Variants in MITF observed in about 807,000 individuals in gnomAD.
MITF encodes melanocyte inducing transcription factor.
In MITF, 17 loss-of-function variants were observed where a neutral mutation model predicts 60.5. The observed-to-expected ratio is 0.28, with a 90% CI of 0.19 to 0.42. MITF has a LOEUF of 0.42. Among genes scored for constraint, MITF ranks in the 10% least tolerant of loss-of-function variants. The pLI is 1.00. For synonymous variants in MITF, 260 were observed against 248.5 expected, an observed-to-expected ratio of 1.05 and a Z score of -0.43; for missense variants, 622 against 683.5, an observed-to-expected ratio of 0.91 and a Z score of 1.00.
chr3:69,764,438 T>G (rs9862162), intron 1 of MITF, among the ~76,000 whole-genome samples: 68 of 152,374 alleles, frequency 4.5e-4, no homozygotes, highest in Middle Eastern at 3.4e-3. Context: ...GCTATTTTCT[T>G]GACTAATTAT....
intron 2 of MITF, among the ~76,000 whole-genome samples, chr3:69,884,969 A>C (rs1387935653): frequency 6.6e-6 from 1 of 152,154 alleles, no homozygotes; most frequent in East Asian, 1.9e-4. Flanking sequence ...TTCAGCTCTA[A>C]TTACATGTTC....
intron 1 of MITF, among the ~76,000 whole-genome samples, chr3:69,795,068 C>A (rs2062806339): frequency 6.6e-6 from 1 of 152,108 alleles, no homozygotes; most frequent in Admixed American, 6.5e-5. Flanking sequence ...CCCTGAATAT[C>A]CCTGTACATG....
chr3:69,952,400 A>G (rs1241733856), intron 7 of MITF, among the ~76,000 whole-genome samples: 1 of 152,174 alleles, frequency 6.6e-6, no homozygotes, highest in South Asian at 2.1e-4. Context: ...TACGTGTTTA[A>G]TTTACTCTTG....
intron 7 of MITF, among the ~76,000 whole-genome samples, chr3:69,953,126 C>T (rs186148572): frequency 6.6e-6 from 1 of 152,256 alleles, no homozygotes; most frequent in Non-Finnish European, 1.5e-5. Context: ...GTTCTCATGT[C>T]AAGTGTAAGA....
intron 2 of MITF, among the ~76,000 whole-genome samples, chr3:69,936,193 A>G (rs967116805): frequency 1.3e-4 from 20 of 152,192 alleles, no homozygotes; most frequent in Admixed American, 1.3e-3. Flanking sequence ...ACTAAAAGAT[A>G]GTCATCCTGC....
chr3:69,814,707 T>A (rs761072295), intron 1 of MITF, among the ~76,000 whole-genome samples: 7 of 152,074 alleles, frequency 4.6e-5, no homozygotes, highest in African/African-American at 7.2e-5. Flanking sequence ...GGTATCTTTG[T>A]ATACCAAAGA....
chr3:69,931,166 T>C (rs530796787), intron 2 of MITF, among the ~76,000 whole-genome samples: 2 of 152,232 alleles, frequency 1.3e-5, no homozygotes, highest in Non-Finnish European at 2.9e-5. Flanking sequence ...ATCTGGTACA[T>C]GGTAGACAAG....
chr3:69,774,579 G>C (rs2062445266), intron 1 of MITF, among the ~76,000 whole-genome samples: 1 of 152,146 alleles, frequency 6.6e-6, no homozygotes, highest in African/African-American at 2.4e-5. Flanking sequence ...TGTATTCCTT[G>C]TGTTCTGTTA....
At chr3:69,897,729 G>A (rs574769787) in intron 2 of MITF, among the ~76,000 whole-genome samples, 1 of 152,244 alleles carries the variant, frequency 6.6e-6, no homozygotes, top group African/African-American at 2.4e-5. Flanking sequence ...CGAGAGTTGG[G>A]ATCATATCTC....
intron 1 of MITF, among the ~76,000 whole-genome samples, chr3:69,869,532 A>G (rs922085018): frequency 3.3e-5 from 5 of 152,190 alleles, no homozygotes; most frequent in African/African-American, 9.7e-5. Flanking sequence ...GAGCCCACAT[A>G]CATCTCTCAT....
rs187101907 is a variant in MITF at position 69,788,513 on chromosome 3, C to T, written c.104+48812C>T. Among the ~76,000 whole-genome samples the T allele has an allele frequency of 7.5e-4, 114 of 152,204 alleles. 2 individuals are homozygous for T. Among genetic ancestry groups the T allele is most frequent in the Admixed American group, 7.3e-3 (112 of 15,276 alleles). On this transcript the variant is annotated intron_variant, in intron 1 of 9. Transcript: ENST00000352241. ...AGTTGCATTATGTCTGTAAATTCTT[C>T]TGCAGTTAGTGCTTCTGTATACTAC...
At chr3:69,941,410 A>T in intron 5 of MITF, 79 bp downstream of exon 5, 1 of 863,080 alleles carries the variant, frequency 1.2e-6, no homozygotes. Flanking sequence ...CTTTTATTTT[A>T]TCTTTGTAAC....
chr3:69,755,106 A>T (rs1014184224), intron 1 of MITF, among the ~76,000 whole-genome samples: 1 of 152,240 alleles, frequency 6.6e-6, no homozygotes, highest in Non-Finnish European at 1.5e-5. Context: ...ATTTACAAGC[A>T]TGGTGTTACT....
intron 1 of MITF, among the ~76,000 whole-genome samples, chr3:69,840,881 G>A (rs957311163): frequency 3.2e-4 from 49 of 151,282 alleles, no homozygotes; most frequent in African/African-American, 1.2e-3. Context: ...TCACCCTTCC[G>A]AGTAACTGGG....
At chr3:69,843,447 G>A (rs950333088) in intron 1 of MITF, among the ~76,000 whole-genome samples, 1 of 151,994 alleles carries the variant, frequency 6.6e-6, no homozygotes, top group Non-Finnish European at 1.5e-5. Flanking sequence ...TCCACCCCCG[G>A]CAATTAGTTT....
At chr3:69,759,174 C>T (rs2062175312) in intron 1 of MITF, among the ~76,000 whole-genome samples, 1 of 152,208 alleles carries the variant, frequency 6.6e-6, no homozygotes, top group Non-Finnish European at 1.5e-5. Flanking sequence ...TCTATCAATA[C>T]ATAACTTTGT....
chr3:69,912,022 A>G (rs1207907934), intron 2 of MITF, among the ~76,000 whole-genome samples: 5 of 152,250 alleles, frequency 3.3e-5, no homozygotes, highest in African/African-American at 4.8e-5. Context: ...CCCATCAATA[A>G]GGGAGTAGAT....
intron 2 of MITF, among the ~76,000 whole-genome samples, chr3:69,879,765 C>T (rs1183962910): frequency 2.0e-5 from 3 of 147,406 alleles, no homozygotes; most frequent in African/African-American, 8.1e-5. Flanking sequence ...CTTTACTTTT[C>T]TTTTTATTTA....
chr3:69,821,186 G>T (rs79864241), intron 1 of MITF, among the ~76,000 whole-genome samples: 1,526 of 152,254 alleles, frequency 0.01, 10 homozygotes, highest in Middle Eastern at 0.021. Flanking sequence ...TTGATCGTCA[G>T]ACTTTTAGCT....
Sources: gnomAD v4.1 joint callset for allele counts (sites outside exome capture counted in the v4.1 genomes callset) on GRCh38, gnomAD v4.1.1 for gene constraint, MANE v1.5 for transcripts, NCBI Gene and HGNC (gene_info 2026-07-23, HGNC 2026-07-21) for gene names.